Variants in SPSB4 observed in about 807,000 individuals in gnomAD.
SPSB4 encodes splA/ryanodine receptor domain and SOCS box containing 4.
A neutral mutation model predicts 20.9 loss-of-function variants in SPSB4; 21 were observed. That is an observed-to-expected ratio of 1.01 (90% confidence interval 0.71 to 1.45). SPSB4 has a LOEUF of 1.45. Among genes scored for constraint, SPSB4 ranks in the 40% most tolerant of loss-of-function variants. The probability of loss-of-function intolerance (pLI) is 0.00; values close to 1 mark genes in which losing one functional copy is unlikely to be tolerated. For synonymous variants in SPSB4, 207 were observed against 183.8 expected (o/e 1.13, Z -1.02); for missense variants, 399 against 399.2 (o/e 1.00, Z 0.00).
intron 2 of SPSB4, chr3:141,132,261 G>T (rs186541751): frequency 2.4e-6 from 1 of 409,170 alleles, no homozygotes. Context: ...TCCGCCTCCC[G>T]GGTTCAAGCT....
At chr3:141,123,546 T>C (rs1275118546) in intron 2 of SPSB4, among the ~76,000 whole-genome samples, 2 of 152,240 alleles carry the variant, frequency 1.3e-5, no homozygotes, top group African/African-American at 4.8e-5. Context: ...AGACAAGTCC[T>C]GCTGTCCCCA....
chr3:141,127,367 A>G (rs1385977608), intron 2 of SPSB4, among the ~76,000 whole-genome samples: 1 of 152,216 alleles, frequency 6.6e-6, no homozygotes, highest in Non-Finnish European at 1.5e-5. Context: ...AAGCTGAGTG[A>G]GGCCTCAGTT....
In SPSB4 at chr3:141,066,684, G is replaced by A; in HGVS notation, c.580G>A (p.Gly194Ser). 1 of 1,613,406 alleles carries A rather than the reference G, an allele frequency of 6.2e-7. No homozygotes were observed. Among genetic ancestry groups the A allele is most frequent in the Non-Finnish European group, 8.5e-7 (1 of 1,179,816 alleles). Residue 194 changes from glycine (G) to serine (S), a missense_variant, in exon 2 of 3, where the codon GGC (glycine) becomes AGC (serine). Transcript: ENST00000310546. ...DEGTLSFIVD[G>S]QYLGVAFRGL... ...GGGCACACTCAGCTTCATCGTGGAT[G>A]GCCAGTACCTGGGCGTGGCCTTCCG...
chr3:141,120,522 C>G (rs1369402463), intron 2 of SPSB4, among the ~76,000 whole-genome samples: 10 of 151,126 alleles, frequency 6.6e-5, no homozygotes, highest in Non-Finnish European at 1.3e-4. Context: ...GTTAAAGTCT[C>G]CCATTATTAT....
At chr3:141,052,204 T>TC (rs1022996019) in intron 1 of SPSB4, among the ~76,000 whole-genome samples, 1 of 152,184 alleles carries the variant, frequency 6.6e-6, no homozygotes, top group African/African-American at 2.4e-5. Context: ...TATCATGGGT[T>TC]CTAAGCCCTT....
intron 2 of SPSB4, among the ~76,000 whole-genome samples, chr3:141,088,588 G>A (rs924247957): frequency 6.6e-6 from 1 of 152,206 alleles, no homozygotes; most frequent in African/African-American, 2.4e-5. Context: ...ACCGGGATGT[G>A]CAGGGGAGTT....
At chr3:141,122,256 C>T (rs946888100) in intron 2 of SPSB4, among the ~76,000 whole-genome samples, 1 of 152,186 alleles carries the variant, frequency 6.6e-6, no homozygotes, top group African/African-American at 2.4e-5. Flanking sequence ...GGCTGCAGAA[C>T]AGCAAATATT....
intron 1 of SPSB4, among the ~76,000 whole-genome samples, chr3:141,061,704 CTCTT>C (rs1387197205): frequency 1.9e-3 from 287 of 148,774 alleles, no homozygotes; most frequent in African/African-American, 6.6e-3. Flanking sequence ...CCTTTTTCTT[CTCTT>C]TCTTTCTTTT....
chr3:141,066,660 G>A lies in SPSB4; in HGVS notation c.556G>A (p.Gly186Ser). 6.2e-7 allele frequency: 1 copy of A among 1,613,218 alleles called. No individual in the cohort carries two copies. The highest frequency in any genetic ancestry group is 8.5e-7 in the Non-Finnish European group (1 of 1,179,790). Residue 186 changes from glycine to serine, a missense_variant, in exon 2 of 3, where the codon GGC (glycine) becomes AGC (serine). Coordinates refer to ENST00000310546, the MANE Select transcript of SPSB4 (RefSeq NM_080862.3). ...SLLVVLDMDE[G>S]TLSFIVDGQY... is the part of the protein sequence containing the mutation. ...GCTCGTGGTGCTGGACATGGATGAG[G>A]GCACACTCAGCTTCATCGTGGATGG...
At chr3:141,061,837 G>T (rs1295110041) in intron 1 of SPSB4, among the ~76,000 whole-genome samples, 1 of 150,848 alleles carries the variant, frequency 6.6e-6, no homozygotes, top group East Asian at 1.9e-4. Flanking sequence ...CTGGGTTAAA[G>T]CAGTCCTCCC....
chr3:141,075,382 T>TACC (rs1352319946), intron 2 of SPSB4, among the ~76,000 whole-genome samples: 1 of 151,212 alleles, frequency 6.6e-6, no homozygotes, highest in African/African-American at 2.5e-5. Flanking sequence ...GTTAGCACAG[T>TACC]CACAGATACC....
intron 2 of SPSB4, among the ~76,000 whole-genome samples, chr3:141,078,251 C>T (rs1052386818): frequency 1.6e-4 from 25 of 152,234 alleles, no homozygotes; most frequent in Non-Finnish European, 2.5e-4. Flanking sequence ...GTGGAAGACA[C>T]AGATCTCTGC....
At chr3:141,112,374 G>C (rs926377903) in intron 2 of SPSB4, among the ~76,000 whole-genome samples, 1 of 152,074 alleles carries the variant, frequency 6.6e-6, no homozygotes, top group Non-Finnish European at 1.5e-5. Flanking sequence ...GGCCGGGCGC[G>C]GTGGCTCACG....
At chr3:141,076,960 G>C (rs1015396738) in intron 2 of SPSB4, 6 of 152,200 alleles carry the variant, frequency 3.9e-5, no homozygotes, top group Admixed American at 6.5e-5. Flanking sequence ...TTGCCGGGGC[G>C]GGGGATGGGG....
At chr3:141,108,217 T>C (rs1348384851) in intron 2 of SPSB4, among the ~76,000 whole-genome samples, 1 of 151,518 alleles carries the variant, frequency 6.6e-6, no homozygotes, top group Admixed American at 6.6e-5. Flanking sequence ...TACCACAGGG[T>C]TCCCAAGCAG....
intron 2 of SPSB4, among the ~76,000 whole-genome samples, chr3:141,130,377 C>A (rs368386010): frequency 6.6e-6 from 1 of 152,168 alleles, no homozygotes; most frequent in Non-Finnish European, 1.5e-5. Context: ...GACACCAAAA[C>A]CATAGTCTGT....
intron 2 of SPSB4, among the ~76,000 whole-genome samples, chr3:141,141,349 G>C (rs1398281282): frequency 6.6e-6 from 1 of 152,162 alleles, no homozygotes; most frequent in East Asian, 1.9e-4. Context: ...TGTACCCACT[G>C]TCCGGCACTC....
At chr3:141,061,706 C>G (rs1937765261) in intron 1 of SPSB4, among the ~76,000 whole-genome samples, 2 of 147,378 alleles carry the variant, frequency 1.4e-5, no homozygotes, top group South Asian at 4.3e-4. Context: ...TTTTTCTTCT[C>G]TTTCTTTCTT....
chr3:141,078,366 G>A (rs1938158379), intron 2 of SPSB4, among the ~76,000 whole-genome samples: 1 of 152,216 alleles, frequency 6.6e-6, no homozygotes, highest in Non-Finnish European at 1.5e-5. Flanking sequence ...CTGGCCAGAA[G>A]TCAGCTGCCT....
Sources: allele counts gnomAD v4.1 joint callset (sites outside exome capture counted in the v4.1 genomes callset), GRCh38; gene constraint gnomAD v4.1.1; transcripts MANE v1.5; gene names NCBI Gene and HGNC (gene_info 2026-07-23, HGNC 2026-07-21).